SLC39A11: variants seen among roughly 807,000 people sequenced by gnomAD.
SLC39A11 encodes zinc transporter ZIP11.
A neutral mutation model predicts 36.1 loss-of-function variants in SLC39A11; 33 were observed. The ratio of observed to expected loss-of-function variants is 0.91; its 90% confidence interval spans 0.69 to 1.22. The LOEUF is 1.22. Ranked by LOEUF, SLC39A11 falls within the 50% of genes most tolerant of loss-of-function variation. The pLI is 0.00. For missense variants in SLC39A11, 432 were observed against 430.3 expected (o/e 1.00, Z -0.03); for synonymous variants, 166 against 170.3 (o/e 0.97, Z 0.20).
At chr17:73,053,294 T>G (rs2059568762) in intron 3 of SLC39A11, among the ~76,000 whole-genome samples, 1 of 151,802 alleles carries the variant, frequency 6.6e-6, no homozygotes, top group African/African-American at 2.4e-5. Flanking sequence ...TTGATACTAC[T>G]GAGAAGAAAG....
chr17:72,655,735 A>G (rs2070084066), intron 7 of SLC39A11, among the ~76,000 whole-genome samples: 3 of 152,302 alleles, frequency 2.0e-5, no homozygotes, highest in South Asian at 4.1e-4. Context: ...GCTTTGGAGG[A>G]GATCTGGAGC....
At chr17:72,980,075 T>C (rs1468037227) in intron 4 of SLC39A11, among the ~76,000 whole-genome samples, 1 of 152,176 alleles carries the variant, frequency 6.6e-6, no homozygotes, top group Non-Finnish European at 1.5e-5. Flanking sequence ...TTTGCATCTA[T>C]AACTCCCACC....
rs201770250 is a variant in SLC39A11 at position 72,648,939 on chromosome 17, C to A, written c.793G>T (p.Val265Leu). The change falls in exon 9 of 10, where the codon GTG becomes TTG. Residue 265 changes from valine to leucine, a missense_variant. Coordinates refer to ENST00000255559, the MANE Select transcript of SLC39A11 (RefSeq NM_139177.4). Reference sequence around the variant, plus strand: ...CCAAAGACCCCGGCCAGGGGCTCCACCATGCCGCTCAGCTGCCCATACCTA... The same window carrying A: ...CCAAAGACCCCGGCCAGGGGCTCCAACATGCCGCTCAGCTGCCCATACCTA... ...AFWYGQLSGM[V>L]EPLAGVFGAF... 1 of 1,613,386 alleles carries A rather than the reference C, an allele frequency of 6.2e-7. No individual in the cohort carries two copies. Among genetic ancestry groups the A allele is most frequent in the Non-Finnish European group, 8.5e-7 (1 of 1,179,654 alleles).
intron 6 of SLC39A11, among the ~76,000 whole-genome samples, chr17:72,817,423 A>G (rs369414320): frequency 3.9e-5 from 6 of 152,094 alleles, no homozygotes; most frequent in Non-Finnish European, 8.8e-5. Flanking sequence ...ACTAAGAGTG[A>G]GAACTTGCTC....
At chr17:72,889,451 G>A (rs2081609397) in intron 5 of SLC39A11, among the ~76,000 whole-genome samples, 2 of 151,764 alleles carry the variant, frequency 1.3e-5, no homozygotes. Flanking sequence ...GGAGGTGGAG[G>A]TTGCAGTGAG....
intron 8 of SLC39A11, 92 bp from the exon 9 acceptor site, chr17:72,649,053 T>A: frequency 6.5e-7 from 1 of 1,547,370 alleles, no homozygotes; most frequent in Non-Finnish European, 8.8e-7. Flanking sequence ...AGCACATGGA[T>A]GCATGCCATT....
At chr17:72,717,697 C>T (rs1201348467) in intron 7 of SLC39A11, among the ~76,000 whole-genome samples, 2 of 152,232 alleles carry the variant, frequency 1.3e-5, no homozygotes, top group African/African-American at 4.8e-5. Flanking sequence ...AAGATCCTAC[C>T]GCCAAATAAG....
chr17:72,762,555 C>G (rs893142531), intron 6 of SLC39A11, among the ~76,000 whole-genome samples: 1 of 152,188 alleles, frequency 6.6e-6, no homozygotes, highest in East Asian at 1.9e-4. Context: ...CAACCAGCAG[C>G]CCTTGGGGCA....
intron 7 of SLC39A11, among the ~76,000 whole-genome samples, chr17:72,709,092 C>T (rs2073011673): frequency 1.3e-5 from 2 of 152,112 alleles, no homozygotes; most frequent in Admixed American, 1.3e-4. Context: ...CCTGCCACCA[C>T]ACCCAGCTAA....
Position 72,736,739 on chromosome 17 carries a change from A to T in SLC39A11, c.602-20T>A. 2 of 1,600,576 alleles carry T rather than the reference A, an allele frequency of 1.2e-6. No individual in the cohort carries two copies. Among genetic ancestry groups the T allele is most frequent in the Non-Finnish European group, 1.7e-6 (2 of 1,167,780 alleles). ...GACCCTCTGAAATAGATGTAAGAAA[A>T]GCAAGAGGGGTTAGGAATATTTCCC... On this transcript the variant is annotated intron_variant, in intron 6 of 9. Coordinates refer to ENST00000255559, the MANE Select transcript of SLC39A11 (RefSeq NM_139177.4).
chr17:73,080,043 TA>T (rs941272717), intron 3 of SLC39A11, among the ~76,000 whole-genome samples: 1 of 152,034 alleles, frequency 6.6e-6, no homozygotes, highest in Admixed American at 6.6e-5. Context: ...ATCAATATGG[TA>T]AAAATGACCA....
intron 3 of SLC39A11, among the ~76,000 whole-genome samples, chr17:73,035,420 G>A (rs1196742448): frequency 1.3e-5 from 2 of 152,180 alleles, no homozygotes; most frequent in Admixed American, 1.3e-4. Context: ...GATTACAGGT[G>A]TGAGCCACCG....
chr17:72,842,312 T>C (rs923354989), intron 6 of SLC39A11, among the ~76,000 whole-genome samples: 1 of 152,090 alleles, frequency 6.6e-6, no homozygotes, highest in Non-Finnish European at 1.5e-5. Context: ...ATAATAAATA[T>C]TTCTATGATT....
intron 6 of SLC39A11, among the ~76,000 whole-genome samples, chr17:72,743,930 A>G (rs2074823688): frequency 6.6e-6 from 1 of 152,224 alleles, no homozygotes; most frequent in Admixed American, 6.5e-5. Context: ...GACTGAACGC[A>G]GGGTGAGGCA....
chr17:73,085,006 G>A (rs975921009), intron 2 of SLC39A11, among the ~76,000 whole-genome samples, 160 bp from the exon 3 acceptor site: 8 of 152,100 alleles, frequency 5.3e-5, no homozygotes, highest in Admixed American at 2.0e-4. Flanking sequence ...CAAGAACCAC[G>A]GGGAAAGTCT....
intron 3 of SLC39A11, among the ~76,000 whole-genome samples, chr17:73,039,948 G>T (rs182063410): frequency 9.3e-4 from 142 of 152,292 alleles, no homozygotes; most frequent in African/African-American, 3.3e-3. Flanking sequence ...TCAGAATCTT[G>T]TAAGAAATTC....
chr17:72,947,684 C>T, intron 5 of SLC39A11, 68 bp downstream of exon 5: 3 of 1,608,564 alleles, frequency 1.9e-6, no homozygotes, highest in Non-Finnish European at 2.5e-6. Flanking sequence ...CCAGCCCCCA[C>T]GTCCATATTG....
intron 3 of SLC39A11, among the ~76,000 whole-genome samples, chr17:73,078,308 A>C (rs972480336): frequency 2.6e-5 from 4 of 152,078 alleles, no homozygotes; most frequent in African/African-American, 9.7e-5. Flanking sequence ...TTGACATTTA[A>C]AACATTTTTG....
At chr17:72,862,091 A>T (rs984889999) in intron 5 of SLC39A11, among the ~76,000 whole-genome samples, 2 of 152,022 alleles carry the variant, frequency 1.3e-5, no homozygotes, top group Non-Finnish European at 2.9e-5. Flanking sequence ...TTTCTCTGCC[A>T]TTTTTTTATT....
Sources: gnomAD v4.1 joint callset for allele counts (sites outside exome capture counted in the v4.1 genomes callset) on GRCh38, gnomAD v4.1.1 for gene constraint, MANE v1.5 for transcripts, NCBI Gene and HGNC (gene_info 2026-07-23, HGNC 2026-07-21) for gene names.